The following SLC25A42 variants were observed in gnomAD, a reference collection of about 807,000 sequenced individuals.
The protein encoded by SLC25A42 is mitochondrial coenzyme A transporter SLC25A42.
A neutral mutation model predicts 34.7 loss-of-function variants in SLC25A42; 19 were observed. The ratio of observed to expected loss-of-function variants is 0.55; its 90% confidence interval spans 0.38 to 0.80. The LOEUF is 0.80. SLC25A42 is among the 30% of genes least tolerant of loss of function. The pLI is 0.00. For synonymous variants in SLC25A42, 205 were observed against 191.2 expected (o/e 1.07, Z -0.59); for missense variants, 364 against 441.3 (o/e 0.82, Z 1.57).
intron 1 of SLC25A42, among the ~76,000 whole-genome samples, chr19:19,068,788 A>C (rs1568505361): frequency 6.6e-6 from 1 of 152,086 alleles, no homozygotes; most frequent in Non-Finnish European, 1.5e-5. Flanking sequence ...CAGTGAGCTG[A>C]GATGGCACCA....
intron 3 of SLC25A42, among the ~76,000 whole-genome samples, chr19:19,102,945 G>A (rs1341876085): frequency 6.6e-6 from 1 of 152,072 alleles, no homozygotes; most frequent in Non-Finnish European, 1.5e-5. Flanking sequence ...GGCTCTAGGG[G>A]AGGATCCTTC....
intron 4 of SLC25A42, 42 bp from the exon 5 acceptor site, chr19:19,105,519 A>G: frequency 4.4e-6 from 7 of 1,587,672 alleles, no homozygotes; most frequent in Non-Finnish European, 5.2e-6. Flanking sequence ...CAGGGAGGGC[A>G]GGCAGAGGCA....
At chr19:19,099,250 A>C (rs2059782185) in intron 2 of SLC25A42, among the ~76,000 whole-genome samples, 1 of 152,174 alleles carries the variant, frequency 6.6e-6, no homozygotes, top group Non-Finnish European at 1.5e-5. Flanking sequence ...GAGAAGATCA[A>C]ACTCCATGGC....
At chr19:19,068,769 C>T (rs933322682) in intron 1 of SLC25A42, among the ~76,000 whole-genome samples, 1 of 151,428 alleles carries the variant, frequency 6.6e-6, no homozygotes, top group Non-Finnish European at 1.5e-5. Flanking sequence ...ACCCTGGAGG[C>T]GGAGGTTGCA....
intron 5 of SLC25A42, 81 bp from the exon 6 acceptor site, chr19:19,106,188 C>A: frequency 8.3e-7 from 1 of 1,206,580 alleles, no homozygotes; most frequent in Non-Finnish European, 1.2e-6. Context: ...CCAGCAGAGA[C>A]GTGCGGGTGC....
chr19:19,088,495 C>T lies in SLC25A42; in HGVS notation c.-34-7596C>T, dbSNP rs1011301938. On this transcript the variant is annotated intron_variant, in intron 1 of 7. Transcript: ENST00000318596. ...TGCTGGGATTACAGGTGTGAGCCAC[C>T]GCGCCTGGCCCGAGACGGAGTTTCA... is the stretch of plus-strand genomic sequence containing the variant. Among the ~76,000 whole-genome samples the T allele has an allele frequency of 1.3e-4, 20 of 149,760 alleles. 1 individual carries two copies. The highest frequency in any genetic ancestry group is 1.3e-3 in the South Asian group (6 of 4,732).
chr19:19,099,538 C>T (rs2059783504), intron 2 of SLC25A42, among the ~76,000 whole-genome samples: 1 of 152,054 alleles, frequency 6.6e-6, no homozygotes, highest in South Asian at 2.1e-4. Context: ...AGTGTGTGGA[C>T]AGACTCAGGC....
chr19:19,099,389 G>T (rs1317798651), intron 2 of SLC25A42, among the ~76,000 whole-genome samples: 2 of 152,196 alleles, frequency 1.3e-5, no homozygotes, highest in Non-Finnish European at 2.9e-5. Context: ...CAGACTGGGG[G>T]TGCAAGGCTG....
At chr19:19,074,395 A>G (rs1469508280) in intron 1 of SLC25A42, among the ~76,000 whole-genome samples, 1 of 152,228 alleles carries the variant, frequency 6.6e-6, no homozygotes, top group Non-Finnish European at 1.5e-5. Flanking sequence ...AAAAGAAAAC[A>G]GCCTTTATCG....
At chr19:19,106,024 G>A (rs1242516535) in intron 5 of SLC25A42, 1 of 554,498 alleles carries the variant, frequency 1.8e-6, no homozygotes, top group Non-Finnish European at 3.2e-6. Context: ...CAGGGCCGTA[G>A]GGAAAATACG....
rs1183241387 is a variant in SLC25A42 at position 19,111,480 on chromosome 19, A to G, written c.*604A>G. The stretch of plus-strand genomic sequence containing the variant: ...CAGTCACTAGAGCCTCCTGCTGGGA[A>G]CAGTGTCCCCCAGAGCCTCATGTCT... On this transcript the variant is annotated 3_prime_UTR_variant, in exon 8 of 8. Transcript: ENST00000318596. 1.9e-5 allele frequency: 3 copies of G among 158,726 alleles called. No individual in the cohort carries two copies. The highest frequency in any genetic ancestry group is 2.8e-5 in the Non-Finnish European group (2 of 71,734). The allele number at this position is 158,726 out of a possible 1,614,324, so 9.8% of individuals were successfully genotyped here.
chr19:19,088,525 G>A (rs1457442071), intron 1 of SLC25A42, among the ~76,000 whole-genome samples: 1 of 147,326 alleles, frequency 6.8e-6, no homozygotes, highest in Non-Finnish European at 1.5e-5. Context: ...GTTTCACTCT[G>A]GTCACCCAGG....
At chr19:19,069,555 G>A (rs181774413) in intron 1 of SLC25A42, among the ~76,000 whole-genome samples, 245 of 152,278 alleles carry the variant, frequency 1.6e-3, no homozygotes, top group Admixed American at 5.0e-3. Context: ...GCCTTTCTCC[G>A]GGCAAACTTT....
At chr19:19,074,022 TG>T (rs750560226) in intron 1 of SLC25A42, among the ~76,000 whole-genome samples, 4 of 152,236 alleles carry the variant, frequency 2.6e-5, no homozygotes, top group Non-Finnish European at 5.9e-5. Context: ...ATAGGGCTTT[TG>T]AGGCGAGGAC....
chr19:19,093,555 ATC>A (rs774743151), intron 1 of SLC25A42, among the ~76,000 whole-genome samples: 16 of 152,094 alleles, frequency 1.1e-4, no homozygotes, highest in Non-Finnish European at 2.4e-4. Context: ...TAGTCCTCAC[ATC>A]TCCTTAGACT....
At chr19:19,082,134 G>A (rs767678686) in intron 1 of SLC25A42, among the ~76,000 whole-genome samples, 2 of 152,146 alleles carry the variant, frequency 1.3e-5, no homozygotes, top group African/African-American at 2.4e-5. Flanking sequence ...TCCTTTTGCC[G>A]CCATAACCAC....
chr19:19,105,765 C>T, intron 5 of SLC25A42, 38 bp downstream of exon 5: 1 of 1,471,952 alleles, frequency 6.8e-7, no homozygotes. Flanking sequence ...AATCGCCCCG[C>T]CCACGCCCGC....
chr19:19,079,102 C>T (rs958347435), intron 1 of SLC25A42, among the ~76,000 whole-genome samples: 1 of 151,796 alleles, frequency 6.6e-6, no homozygotes. Context: ...GTCACCCAGG[C>T]TGGAGTGCAA....
chr19:19,072,251 A>T (rs557138392), intron 1 of SLC25A42, among the ~76,000 whole-genome samples: 1 of 152,382 alleles, frequency 6.6e-6, no homozygotes. Context: ...GATTTGCCCC[A>T]GCCCTGTCTG....
Sources: gnomAD v4.1 joint callset for allele counts (sites outside exome capture counted in the v4.1 genomes callset) on GRCh38, gnomAD v4.1.1 for gene constraint, MANE v1.5 for transcripts, NCBI Gene and HGNC (gene_info 2026-07-23, HGNC 2026-07-21) for gene names.